HS3ST4: variants seen among roughly 807,000 people sequenced by gnomAD.
The protein encoded by HS3ST4 is heparan sulfate-glucosamine 3-sulfotransferase 4.
In HS3ST4, 17 loss-of-function variants were observed where a neutral mutation model predicts 29.2. The observed-to-expected ratio is 0.58, with a 90% CI of 0.40 to 0.87. The LOEUF (loss-of-function observed/expected upper bound fraction) is 0.87. Ranked by LOEUF, HS3ST4 falls within the 40% of genes least tolerant of loss-of-function variation. The probability of loss-of-function intolerance (pLI) is 0.00; values close to 1 mark genes in which losing one functional copy is unlikely to be tolerated. For missense variants in HS3ST4, 627 were observed against 634.5 expected (o/e 0.99, Z 0.13); for synonymous variants, 314 against 285.7 (o/e 1.10, Z -1.00).
intron 1 of HS3ST4, among the ~76,000 whole-genome samples, chr16:26,071,367 A>G (rs369252195): frequency 1.3e-5 from 2 of 152,112 alleles, no homozygotes; most frequent in African/African-American, 2.4e-5. Flanking sequence ...AGGACTGAAG[A>G]AGGAGGACAG....
At chr16:25,949,074 A>C (rs1046490800) in intron 1 of HS3ST4, among the ~76,000 whole-genome samples, 1 of 150,868 alleles carries the variant, frequency 6.6e-6, no homozygotes, top group African/African-American at 2.4e-5. Flanking sequence ...AAGTATTTTT[A>C]GTTTTCGTGG....
chr16:25,930,852 A>G (rs540445310), intron 1 of HS3ST4, among the ~76,000 whole-genome samples: 1 of 152,290 alleles, frequency 6.6e-6, no homozygotes, highest in East Asian at 1.9e-4. Flanking sequence ...AACCTGGATC[A>G]TGTATTTCCA....
At chr16:25,912,879 TGTGTCAGTTCTGTTTTG>T (rs1438728960) in intron 1 of HS3ST4, among the ~76,000 whole-genome samples, 3 of 152,210 alleles carry the variant, frequency 2.0e-5, no homozygotes, top group Non-Finnish European at 4.4e-5. Context: ...GTATCTGCTA[TGTGTCAGTTCTGTTTTG>T]GTGCCAGTGA....
At chr16:25,893,471 C>G (rs920008734) in intron 1 of HS3ST4, among the ~76,000 whole-genome samples, 32 of 152,176 alleles carry the variant, frequency 2.1e-4, no homozygotes, top group African/African-American at 7.0e-4. Flanking sequence ...AGGAAGGGAT[C>G]CCGTTGGTCA....
At chr16:25,938,534 G>A (rs1968540558) in intron 1 of HS3ST4, among the ~76,000 whole-genome samples, 1 of 151,848 alleles carries the variant, frequency 6.6e-6, no homozygotes, top group Non-Finnish European at 1.5e-5. Context: ...TAGGGAGCTG[G>A]TACCTGTTCT....
At chr16:26,031,318 C>T (rs1407456998) in intron 1 of HS3ST4, among the ~76,000 whole-genome samples, 2 of 152,174 alleles carry the variant, frequency 1.3e-5, no homozygotes, top group Non-Finnish European at 2.9e-5. Context: ...TTCAGCAGCT[C>T]CCAGAAATGT....
chr16:25,788,712 T>A (rs1236227643), intron 1 of HS3ST4, among the ~76,000 whole-genome samples: 1 of 148,496 alleles, frequency 6.7e-6, no homozygotes, highest in Non-Finnish European at 1.5e-5. Context: ...GGCTAAATAA[T>A]TTTTTTTTTG....
chr16:25,997,232 A>C (rs1447213565), intron 1 of HS3ST4, among the ~76,000 whole-genome samples: 2 of 152,208 alleles, frequency 1.3e-5, no homozygotes, highest in Non-Finnish European at 2.9e-5. Context: ...GCAAAATAAT[A>C]CCATTGATGC....
chr16:25,902,610 C>T (rs916910780), intron 1 of HS3ST4, among the ~76,000 whole-genome samples: 2 of 152,090 alleles, frequency 1.3e-5, no homozygotes, highest in African/African-American at 2.4e-5. Context: ...CTACCTTCAA[C>T]CCATCAGTTG....
chr16:25,838,794 C>T (rs991792039), intron 1 of HS3ST4, among the ~76,000 whole-genome samples: 1 of 152,206 alleles, frequency 6.6e-6, no homozygotes, highest in Non-Finnish European at 1.5e-5. Flanking sequence ...AAGGCCAACA[C>T]TCAGCCGAGA....
chr16:25,891,589 G>A (rs1176293600), intron 1 of HS3ST4, among the ~76,000 whole-genome samples: 1 of 152,118 alleles, frequency 6.6e-6, no homozygotes, highest in African/African-American at 2.4e-5. Context: ...ACACAGAAAT[G>A]GATGGCATTT....
intron 1 of HS3ST4, among the ~76,000 whole-genome samples, chr16:25,735,155 G>A (rs965370828): frequency 4.6e-5 from 7 of 152,216 alleles, no homozygotes; most frequent in Non-Finnish European, 8.8e-5. Context: ...CTACCTGCCT[G>A]AATGTGTAGG....
intron 1 of HS3ST4, among the ~76,000 whole-genome samples, chr16:25,883,057 A>T (rs546557045): frequency 1.3e-5 from 2 of 151,142 alleles, no homozygotes; most frequent in African/African-American, 4.9e-5. Flanking sequence ...TTATTATCTC[A>T]TATTCCACTG....
chr16:26,067,666 C>T (rs1002075855), intron 1 of HS3ST4, among the ~76,000 whole-genome samples: 1 of 152,122 alleles, frequency 6.6e-6, no homozygotes, highest in African/African-American at 2.4e-5. Flanking sequence ...TTTACATCTC[C>T]AGAAAAGACA....
At chr16:26,117,586 C>T (rs975199163) in intron 1 of HS3ST4, among the ~76,000 whole-genome samples, 2 of 152,196 alleles carry the variant, frequency 1.3e-5, no homozygotes, top group Non-Finnish European at 2.9e-5. Flanking sequence ...CTGCTCCAGC[C>T]AGGGCTAAGA....
At chr16:26,023,152 T>G (rs1969431802) in intron 1 of HS3ST4, among the ~76,000 whole-genome samples, 1 of 152,236 alleles carries the variant, frequency 6.6e-6, no homozygotes, top group African/African-American at 2.4e-5. Flanking sequence ...TTTTTCATGT[T>G]TTTAAAGCAT....
chr16:25,729,543 T>C (rs187569644), intron 1 of HS3ST4, among the ~76,000 whole-genome samples: 115 of 152,348 alleles, frequency 7.5e-4, no homozygotes, highest in Middle Eastern at 3.4e-3. Context: ...AGTTCCTTTC[T>C]GGGATTGCAA....
chr16:26,081,698 G>A (rs80161434), intron 1 of HS3ST4, among the ~76,000 whole-genome samples: 3 of 151,908 alleles, frequency 2.0e-5, no homozygotes, highest in African/African-American at 4.8e-5. Context: ...AGGAAATAGG[G>A]TGTATCAAGA....
At chr16:25,827,547 A>AC (rs1967232900) in intron 1 of HS3ST4, among the ~76,000 whole-genome samples, 1 of 142,928 alleles carries the variant, frequency 7.0e-6, no homozygotes, top group Non-Finnish European at 1.5e-5. Flanking sequence ...AAAAAAAAAA[A>AC]CAACAACAAG....
Sources: allele counts gnomAD v4.1 joint callset (sites outside exome capture counted in the v4.1 genomes callset), GRCh38; gene constraint gnomAD v4.1.1; transcripts MANE v1.5; gene names NCBI Gene and HGNC (gene_info 2026-07-23, HGNC 2026-07-21).